The following ZNF654 variants were observed in gnomAD, a reference collection of about 807,000 sequenced individuals.
ZNF654 encodes the protein zinc finger protein 654, also known as melanoma-associated antigen.
In ZNF654, 19 loss-of-function variants were observed where a neutral mutation model predicts 95.3. The observed-to-expected ratio is 0.20, with a 90% CI of 0.14 to 0.29. The LOEUF is 0.29. Among genes scored for constraint, ZNF654 ranks in the 10% least tolerant of loss-of-function variants. ZNF654 has a pLI of 1.00. For missense variants in ZNF654, 1,046 were observed against 1,341.0 expected (o/e 0.78, Z 3.44); for synonymous variants, 413 against 457.9 (o/e 0.90, Z 1.25).
At position 88,140,973 on chromosome 3, in the gene ZNF654, A is replaced by G; in HGVS notation, c.3304A>G (p.Asn1102Asp). The G allele has an allele frequency of 4.3e-6, 7 of 1,613,418 alleles. No homozygotes were observed. Among genetic ancestry groups the G allele is most frequent in the Non-Finnish European group, 5.9e-6 (7 of 1,179,544 alleles). ...RCGKCLTTYC[N>D]AEALEAHLAQ... ...TGGCAAATGCCTGACCACCTACTGT[A>G]ATGCAGAAGCACTTGAGGCTCATCT... Residue 1102 changes from asparagine (N) to aspartate (D), a missense_variant, in exon 8 of 9, where the codon AAT becomes GAT. Physicochemically the swap from Asn to Asp is conservative, Grantham distance 23. Transcript: ENST00000636215.
chr3:88,121,056 C>G (rs1238234492), intron 3 of ZNF654, among the ~76,000 whole-genome samples: 2 of 151,874 alleles, frequency 1.3e-5, no homozygotes, highest in Non-Finnish European at 2.9e-5. Flanking sequence ...ACCTATGTAA[C>G]AAACCTGTAT....
intron 2 of ZNF654, among the ~76,000 whole-genome samples, chr3:88,089,025 A>C (rs1708495358): frequency 6.6e-6 from 1 of 151,770 alleles, no homozygotes; most frequent in African/African-American, 2.4e-5. Flanking sequence ...TACCCACCTC[A>C]GGCTCCCAAA....
At chr3:88,061,095 C>T (rs1298490932) in intron 1 of ZNF654, among the ~76,000 whole-genome samples, 1 of 152,074 alleles carries the variant, frequency 6.6e-6, no homozygotes, top group Non-Finnish European at 1.5e-5. Context: ...TTTCAGAGCA[C>T]TTGTTTTGTA....
At chr3:88,113,743 A>C (rs1705230528) in intron 3 of ZNF654, among the ~76,000 whole-genome samples, 1 of 152,128 alleles carries the variant, frequency 6.6e-6, no homozygotes, top group South Asian at 2.1e-4. Flanking sequence ...GGTGAAGTAA[A>C]GGAAGATGTA....
chr3:88,060,048 C>G (rs895899842), intron 1 of ZNF654, among the ~76,000 whole-genome samples: 1 of 151,750 alleles, frequency 6.6e-6, no homozygotes, highest in Non-Finnish European at 1.5e-5. Context: ...CTCCAGTTGG[C>G]GTAGACGCTG....
At chr3:88,059,655 C>A in intron 1 of ZNF654, 150 bp downstream of exon 1, 1 of 1,239,570 alleles carries the variant, frequency 8.1e-7, no homozygotes, top group Non-Finnish European at 1.0e-6. Context: ...CTCCACTTAT[C>A]CGGCTTGGGG....
chr3:88,134,346 C>A (rs1706644185), intron 6 of ZNF654, among the ~76,000 whole-genome samples: 1 of 151,988 alleles, frequency 6.6e-6, no homozygotes. Context: ...TATTTTAATA[C>A]TTTTAGATTA....
rs554345934 is a variant in ZNF654, at chr3:88,143,610, T to G, written c.*1958T>G. The G allele has an allele frequency of 6.6e-6, 1 of 152,306 alleles. No individual in the cohort carries two copies. Among genetic ancestry groups the G allele is most frequent in the Non-Finnish European group, 1.5e-5 (1 of 67,760 alleles). The allele number at this position is 152,306 out of a possible 1,614,324, so 9.4% of individuals were successfully genotyped here. A position where few individuals can be genotyped will look rare whatever the true frequency, so the allele number is the denominator to read the frequency against. Reference sequence around the variant, plus strand: ...TTTCCACAAGTTGTAACAATTGATATAAATCCATGCCCACAAAGTATTCCA... The same window carrying G: ...TTTCCACAAGTTGTAACAATTGATAGAAATCCATGCCCACAAAGTATTCCA... On this transcript the variant is annotated 3_prime_UTR_variant, in exon 9 of 9. Transcript: ENST00000636215.
At chr3:88,131,350 A>G (rs1320651820) in intron 6 of ZNF654, among the ~76,000 whole-genome samples, 1 of 152,192 alleles carries the variant, frequency 6.6e-6, no homozygotes, top group Non-Finnish European at 1.5e-5. Context: ...TCATTTTTTG[A>G]CATGTGGTTA....
chr3:88,089,457 C>G (rs759692410), intron 2 of ZNF654, among the ~76,000 whole-genome samples: 2 of 150,356 alleles, frequency 1.3e-5, no homozygotes, highest in Non-Finnish European at 3.0e-5. Flanking sequence ...TGCCATTGCA[C>G]TCTAGCCTGG....
At chr3:88,132,041 G>A (rs1706497137) in intron 6 of ZNF654, among the ~76,000 whole-genome samples, 1 of 152,058 alleles carries the variant, frequency 6.6e-6, no homozygotes. Flanking sequence ...TGTTTGCTGA[G>A]TGCTTCCTAT....
intron 3 of ZNF654, among the ~76,000 whole-genome samples, chr3:88,120,940 T>C (rs1473315773): frequency 6.6e-6 from 1 of 152,118 alleles, no homozygotes; most frequent in Non-Finnish European, 1.5e-5. Flanking sequence ...ATACTTTTGA[T>C]AGAAAATTTT....
chr3:88,074,457 T>C (rs1274628098), intron 1 of ZNF654, among the ~76,000 whole-genome samples: 1 of 151,442 alleles, frequency 6.6e-6, no homozygotes, highest in Non-Finnish European at 1.5e-5. Flanking sequence ...CTCTCCTGCC[T>C]CAGCCTCCCA....
In ZNF654 at chr3:88,142,811, C is replaced by T. The variant is rs1189356828; in HGVS notation, c.*1159C>T. 1.3e-5 allele frequency: 2 copies of T among 152,102 alleles called. No homozygotes were observed. The highest frequency in any genetic ancestry group is 3.0e-5 in the Non-Finnish European group (2 of 67,748). 9.4% of individuals were successfully genotyped at this position (152,102 alleles called of 1,614,324 possible). A position where few individuals can be genotyped will look rare whatever the true frequency, so the allele number is the denominator to read the frequency against. ...TTTACACAAAACATTTGCACAAGAA[C>T]ACAGTAAGAGATACATTCAAGCATT... On this transcript the variant is annotated 3_prime_UTR_variant, in exon 9 of 9. Coordinates refer to ENST00000636215, the MANE Select transcript of ZNF654 (RefSeq NM_001350134.2).
Position 88,138,909 on chromosome 3 carries a change from C to A in ZNF654, c.1240C>A (p.Leu414Ile). ...AGAAGCGTATCGTACTGTTGAAGAGCTTTACAAACGTCCAGATGAAGAATA... is the reference window on the plus strand; with the variant it reads ...AGAAGCGTATCGTACTGTTGAAGAGATTTACAAACGTCCAGATGAAGAATA... ...SLEAYRTVEE[L>I]YKRPDEEYNE... Residue 414 changes from leucine to isoleucine, a missense_variant, in exon 8 of 9, where the codon CTT becomes ATT. Physicochemically the swap from Leu to Ile is conservative, Grantham distance 5. Coordinates refer to ENST00000636215, the MANE Select transcript of ZNF654 (RefSeq NM_001350134.2). 1.6e-6 allele frequency: 2 copies of A among 1,234,796 alleles called. No homozygotes were observed. Among genetic ancestry groups the A allele is most frequent in the Non-Finnish European group, 2.0e-6 (2 of 990,022 alleles). 76.5% of individuals were successfully genotyped at this position (1,234,796 alleles called of 1,614,324 possible).
intron 2 of ZNF654, among the ~76,000 whole-genome samples, chr3:88,110,683 C>T (rs1050842993): frequency 6.6e-6 from 1 of 151,970 alleles, no homozygotes; most frequent in African/African-American, 2.4e-5. Context: ...GAGTTTTCTT[C>T]CGTAAGGAGA....
At chr3:88,119,816 A>G (rs1342316323) in intron 3 of ZNF654, among the ~76,000 whole-genome samples, 2 of 152,264 alleles carry the variant, frequency 1.3e-5, no homozygotes, top group South Asian at 2.1e-4. Context: ...TAAAATGCTA[A>G]TGATAGGGTT....
At chr3:88,103,372 T>C (rs941301310) in intron 2 of ZNF654, among the ~76,000 whole-genome samples, 2 of 152,204 alleles carry the variant, frequency 1.3e-5, no homozygotes, top group African/African-American at 2.4e-5. Flanking sequence ...TCAGATTCTT[T>C]AGTAGACTTA....
At chr3:88,097,229 T>C (rs941101121) in intron 2 of ZNF654, among the ~76,000 whole-genome samples, 1 of 152,116 alleles carries the variant, frequency 6.6e-6, no homozygotes, top group Non-Finnish European at 1.5e-5. Flanking sequence ...TTATCACTTA[T>C]CACACATTTA....
Sources: allele counts gnomAD v4.1 joint callset (sites outside exome capture counted in the v4.1 genomes callset), GRCh38; gene constraint gnomAD v4.1.1; transcripts MANE v1.5; gene names NCBI Gene and HGNC (gene_info 2026-07-23, HGNC 2026-07-21).